The following CYP3A43 variants were observed in gnomAD, a reference collection of about 807,000 sequenced individuals.
CYP3A43 encodes cytochrome P450 family 3 subfamily A member 43.
Under a neutral mutation model 58.0 loss-of-function variants are expected in CYP3A43, and 45 were observed. That is an observed-to-expected ratio of 0.78 (90% CI 0.61 to 0.99). The LOEUF is 0.99. CYP3A43 is among the 50% of genes least tolerant of loss of function. The probability of loss-of-function intolerance (pLI) is 0.00; values close to 1 mark genes in which losing one functional copy is unlikely to be tolerated. For missense variants in CYP3A43, 593 were observed against 591.9 expected, an observed-to-expected ratio of 1.00 and a Z score of -0.02; for synonymous variants, 191 against 201.4, an observed-to-expected ratio of 0.95 and a Z score of 0.44.
chr7:99,851,774 ATCTTC>A (rs1451334878), intron 7 of CYP3A43, among the ~76,000 whole-genome samples: 1 of 152,160 alleles, frequency 6.6e-6, no homozygotes, highest in African/African-American at 2.4e-5. Flanking sequence ...TTTGAACTGT[ATCTTC>A]TTTGAACTTC....
At chr7:99,857,050 G>C in intron 9 of CYP3A43, 151 bp downstream of exon 9, 1 of 993,672 alleles carries the variant, frequency 1.0e-6, no homozygotes. Flanking sequence ...GATAGCTGGA[G>C]GCACTTTCTA....
At chr7:99,851,130 A>C (rs969718211) in intron 7 of CYP3A43, among the ~76,000 whole-genome samples, 1 of 150,424 alleles carries the variant, frequency 6.6e-6, no homozygotes, top group African/African-American at 2.5e-5. Flanking sequence ...GCACCACTGC[A>C]CTCCAGCCTG....
chr7:99,858,934 T>C (rs1382696730), intron 9 of CYP3A43, among the ~76,000 whole-genome samples: 1 of 151,966 alleles, frequency 6.6e-6, no homozygotes, highest in African/African-American at 2.4e-5. Context: ...CTGACCTCAA[T>C]GATCCTCCTG....
At chr7:99,854,848 A>G (rs1254250998) in intron 7 of CYP3A43, among the ~76,000 whole-genome samples, 1 of 150,716 alleles carries the variant, frequency 6.6e-6, no homozygotes, top group Non-Finnish European at 1.5e-5. Context: ...TAACTTCCAC[A>G]TATTTGTGAG....
intron 7 of CYP3A43, among the ~76,000 whole-genome samples, chr7:99,850,450 C>T (rs544036952): frequency 6.6e-6 from 1 of 151,942 alleles, no homozygotes; most frequent in Admixed American, 6.6e-5. Context: ...TTAGTAGAGA[C>T]GGGGTTTCTC....
In CYP3A43 at chr7:99,845,479, T is replaced by C. The variant is rs1482213582; in HGVS notation, c.318+1237T>C. ...CTGGGATTACAGCTGTGCACCACCG[T>C]GCTCATCTAATTTTTGTATTTTAGT... On this transcript the variant is annotated intron_variant, in intron 4 of 12. Transcript: ENST00000354829. Among the ~76,000 whole-genome samples, 5 of 151,996 alleles carry C rather than the reference T, an allele frequency of 3.3e-5. No individual in the cohort carries two copies. In the East Asian group the frequency reaches 9.7e-4, roughly 29 times the overall value.
At chr7:99,860,151 G>A (rs1346182983) in intron 10 of CYP3A43, among the ~76,000 whole-genome samples, 161 bp downstream of exon 10, 8 of 152,212 alleles carry the variant, frequency 5.3e-5, no homozygotes, top group East Asian at 1.9e-4. Context: ...AGGGAGAATC[G>A]TAGGTAGTGG....
intron 1 of CYP3A43, among the ~76,000 whole-genome samples, chr7:99,835,333 C>A (rs1013237663): frequency 1.3e-5 from 2 of 152,184 alleles, no homozygotes; most frequent in African/African-American, 4.8e-5. Context: ...GTCTGGGCAT[C>A]CGATTTGTCA....
At chr7:99,838,611 A>T (rs1309975102) in intron 2 of CYP3A43, 2 of 1,238,082 alleles carry the variant, frequency 1.6e-6, no homozygotes, top group East Asian at 5.7e-5. Flanking sequence ...AGTTAGAGAA[A>T]ATTTAAAAGT....
intron 3 of CYP3A43, among the ~76,000 whole-genome samples, chr7:99,841,811 C>T (rs1817344647): frequency 6.6e-6 from 1 of 152,128 alleles, no homozygotes; most frequent in Non-Finnish European, 1.5e-5. Context: ...CCTCAGCCTC[C>T]CAACTTTGAC....
chr7:99,855,851 A>G (rs1243765746), intron 8 of CYP3A43, 133 bp downstream of exon 8: 5 of 1,018,492 alleles, frequency 4.9e-6, no homozygotes, highest in Non-Finnish European at 7.1e-6. Flanking sequence ...GGGTTTTTAC[A>G]TTTTGCTGGG....
At chr7:99,847,026 A>G (rs185288951) in intron 4 of CYP3A43, among the ~76,000 whole-genome samples, 1 of 152,148 alleles carries the variant, frequency 6.6e-6, no homozygotes, top group East Asian at 1.9e-4. Context: ...TTCAAAAGTC[A>G]CTAAATCAAA....
At chr7:99,832,126 G>C (rs555803259) in intron 1 of CYP3A43, among the ~76,000 whole-genome samples, 2 of 152,184 alleles carry the variant, frequency 1.3e-5, no homozygotes, top group Non-Finnish European at 2.9e-5. Flanking sequence ...AGTGTTTAGA[G>C]GGAAGGAAAA....
chr7:99,855,898 A>C (rs1174464984), intron 8 of CYP3A43, among the ~76,000 whole-genome samples, 180 bp downstream of exon 8: 2 of 152,228 alleles, frequency 1.3e-5, no homozygotes, highest in Non-Finnish European at 2.9e-5. Flanking sequence ...AAAGAGAATG[A>C]GTGAAACAGC....
chr7:99,840,584 T>C (rs1817291763), intron 3 of CYP3A43, among the ~76,000 whole-genome samples: 3 of 152,224 alleles, frequency 2.0e-5, no homozygotes, highest in African/African-American at 7.2e-5. Context: ...GAGAGCTAAT[T>C]GGTGCCTTAC....
chr7:99,843,463 T>C (rs558316896), intron 3 of CYP3A43, among the ~76,000 whole-genome samples: 1 of 152,150 alleles, frequency 6.6e-6, no homozygotes, highest in South Asian at 2.1e-4. Flanking sequence ...CATAACTGTT[T>C]ATTTTATTTT....
chr7:99,830,509 A>T (rs1816801712), intron 1 of CYP3A43, among the ~76,000 whole-genome samples: 2 of 152,030 alleles, frequency 1.3e-5, no homozygotes, highest in South Asian at 4.2e-4. Context: ...CAAGAGCAAA[A>T]CTTAGTCTAA....
At chr7:99,839,926 G>A (rs1817266761) in intron 3 of CYP3A43, among the ~76,000 whole-genome samples, 1 of 152,136 alleles carries the variant, frequency 6.6e-6, no homozygotes. Flanking sequence ...TTATGCAGAT[G>A]GTTCTCTTCC....
chr7:99,848,056 G>A, intron 5 of CYP3A43, 110 bp from the exon 6 acceptor site: 1 of 1,070,352 alleles, frequency 9.3e-7, no homozygotes, highest in Non-Finnish European at 1.4e-6. Flanking sequence ...ATGTCCTAGA[G>A]GACATGGTGA....
Sources: allele counts gnomAD v4.1 joint callset (sites outside exome capture counted in the v4.1 genomes callset), GRCh38; gene constraint gnomAD v4.1.1; transcripts MANE v1.5; gene names NCBI Gene and HGNC (gene_info 2026-07-23, HGNC 2026-07-21).